FREM3: variants seen among roughly 807,000 people sequenced by gnomAD.
FREM3 encodes the protein FRAS1 related extracellular matrix 3.
FREM3 carries 105 observed loss-of-function variants against 129.1 expected under a neutral mutation model. The observed-to-expected ratio is 0.81, with a 90% confidence interval of 0.69 to 0.96. The LOEUF (loss-of-function observed/expected upper bound fraction) is 0.96. FREM3 is among the 40% of genes least tolerant of loss of function. FREM3 has a pLI of 0.00. For missense variants in FREM3, 2,593 were observed against 2,666.3 expected (o/e 0.97, Z 0.61); for synonymous variants, 1,014 against 1,044.9 (o/e 0.97, Z 0.57).
chr4:143,652,251 T>C (rs1349282222), intron 2 of FREM3, among the ~76,000 whole-genome samples: 2 of 90,840 alleles, frequency 2.2e-5, no homozygotes, highest in African/African-American at 6.9e-5. Flanking sequence ...CAAGCTCCGC[T>C]TCCCGGGTTC....
At chr4:143,581,343 A>C (rs1027070784) in intron 7 of FREM3, among the ~76,000 whole-genome samples, 1 of 152,208 alleles carries the variant, frequency 6.6e-6, no homozygotes, top group South Asian at 2.1e-4. Flanking sequence ...TACTGCCCTC[A>C]GACTGGGGAA....
chr4:143,627,828 G>A (rs1739069521), intron 2 of FREM3, 68 bp from the exon 3 acceptor site: 2 of 1,041,430 alleles, frequency 1.9e-6, no homozygotes, highest in East Asian at 2.6e-5. Context: ...TGATCAATGT[G>A]TGCATTTTAC....
intron 2 of FREM3, among the ~76,000 whole-genome samples, chr4:143,674,615 C>T (rs534606388): frequency 1.3e-4 from 20 of 152,192 alleles, no homozygotes; most frequent in Admixed American, 2.6e-4. Flanking sequence ...TAAAGAGTCA[C>T]GACCCATCAG....
rs184200894 is a variant in FREM3 at position 143,591,039 on chromosome 4, G to A, written c.6029-5046C>T. On this transcript the variant is annotated intron_variant, in intron 6 of 7. Transcript: ENST00000329798. ...GTTTATTTGCATAGAGGTGTTTATA[G>A]TATTCTCTGATGGTAGCTTTTATTT... Among the ~76,000 whole-genome samples, 757 of 152,294 alleles carry A rather than the reference G, an allele frequency of 5.0e-3. 5 individuals are homozygous for A. The highest frequency in any genetic ancestry group is 0.017 in the African/African-American group (722 of 41,572).
At chr4:143,685,835 G>A (rs1740354295) in intron 2 of FREM3, among the ~76,000 whole-genome samples, 1 of 152,012 alleles carries the variant, frequency 6.6e-6, no homozygotes, top group African/African-American at 2.4e-5. Context: ...ACAGCTGTGG[G>A]GGGCACATCA....
At chr4:143,616,613 C>T (rs1455281150) in intron 5 of FREM3, among the ~76,000 whole-genome samples, 1 of 151,898 alleles carries the variant, frequency 6.6e-6, no homozygotes, top group African/African-American at 2.4e-5. Flanking sequence ...TATGAAACCC[C>T]GTCTCTACTA....
At chr4:143,649,810 T>C (rs554353996) in intron 2 of FREM3, among the ~76,000 whole-genome samples, 3 of 152,340 alleles carry the variant, frequency 2.0e-5, no homozygotes, top group Non-Finnish European at 2.9e-5. Flanking sequence ...AATTAAGGTC[T>C]GTTTACACAC....
chr4:143,616,212 T>C (rs1738841388), intron 5 of FREM3, among the ~76,000 whole-genome samples: 1 of 152,178 alleles, frequency 6.6e-6, no homozygotes, highest in Admixed American at 6.5e-5. Flanking sequence ...ACTACCAACC[T>C]AGAATTTCAA....
At chr4:143,590,515 G>A (rs918190208) in intron 6 of FREM3, among the ~76,000 whole-genome samples, 8 of 152,072 alleles carry the variant, frequency 5.3e-5, no homozygotes, top group Non-Finnish European at 1.0e-4. Context: ...TTTGTCTTTG[G>A]TTCTGTTTAT....
In FREM3 at chr4:143,699,820, C is replaced by G. The variant is rs752472476; in HGVS notation, c.856G>C (p.Val286Leu). ...ACGAGCAGCTGGAAGTGCTCGCGGA[C>G]CAGCACACCCGCGGACCCAGCGTCT... ...GQDAGSAGVLVREHFQLLVRI... is the reference protein window; with the variant it reads ...GQDAGSAGVLLREHFQLLVRI... Residue 286 changes from valine to leucine, a missense_variant, in exon 1 of 8, where the codon GTC (valine) becomes CTC (leucine). This residue lies in a region of FREM3 where 2,276 missense variants were observed against 2,267.2 expected (regional missense o/e 1.00). Transcript: ENST00000329798. The surrounding 1 kb of genome is among the most constrained non-coding windows in gnomAD (Gnocchi z 4.2). The G allele has an allele frequency of 3.4e-5, 53 of 1,536,402 alleles. No individual in the cohort carries two copies. Among genetic ancestry groups the G allele is most frequent in the Non-Finnish European group, 4.6e-5 (53 of 1,146,904 alleles).
In FREM3 at chr4:143,659,623, T is replaced by TAC. The variant is rs2149851519; in HGVS notation, c.5276-31864_5276-31863insGT. 2.2e-5 allele frequency among the ~76,000 whole-genome samples: 3 copies of TAC among 135,522 alleles called. No homozygotes were observed. The South Asian group carries it at 7.0e-4, about 32-fold the overall frequency. The allele number at this position is 135,522 out of a possible 152,430, so 88.9% of individuals were successfully genotyped here. A position where few individuals can be genotyped will look rare whatever the true frequency, so the allele number is the denominator to read the frequency against. On this transcript the variant is annotated intron_variant, in intron 2 of 7. Coordinates refer to ENST00000329798, the MANE Select transcript of FREM3 (RefSeq NM_001168235.2). ...GTAATGGGATGGCTGGGTCAAATGG[T>TAC]ATTTCTAGTTCTAGATCCCTGAGGA...
At chr4:143,609,147 G>T (rs986703004) in intron 6 of FREM3, among the ~76,000 whole-genome samples, 2 of 152,132 alleles carry the variant, frequency 1.3e-5, no homozygotes. Context: ...TACCCAGAGA[G>T]AGTGTGTCTC....
chr4:143,661,008 T>A (rs1739706477), intron 2 of FREM3, among the ~76,000 whole-genome samples: 1 of 152,214 alleles, frequency 6.6e-6, no homozygotes, highest in South Asian at 2.1e-4. Context: ...GTTTTCTAGA[T>A]ATACAATCAT....
chr4:143,599,786 A>G (rs1738541342), intron 6 of FREM3, among the ~76,000 whole-genome samples: 1 of 152,230 alleles, frequency 6.6e-6, no homozygotes, highest in South Asian at 2.1e-4. Context: ...TCAGGGGTAC[A>G]TACATTCTAG....
At chr4:143,620,964 G>A (rs1262059507) in intron 5 of FREM3, 73 bp downstream of exon 5, 3 of 1,430,172 alleles carry the variant, frequency 2.1e-6, no homozygotes, top group Non-Finnish European at 2.8e-6. Context: ...ACCCTCTGTG[G>A]TACTCCCAGC....
chr4:143,641,305 A>G (rs1432598747), intron 2 of FREM3, among the ~76,000 whole-genome samples: 1 of 127,332 alleles, frequency 7.9e-6, no homozygotes, highest in Non-Finnish European at 1.7e-5. Context: ...GAAGGTCTAC[A>G]TGAAAAAAAG....
intron 5 of FREM3, among the ~76,000 whole-genome samples, chr4:143,613,080 G>A (rs1007773175): frequency 4.6e-5 from 7 of 152,174 alleles, no homozygotes; most frequent in Non-Finnish European, 7.3e-5. Flanking sequence ...GGCTCCAACC[G>A]ACTTCAGATG....
chr4:143,612,023 T>A (rs1738765938), intron 5 of FREM3, among the ~76,000 whole-genome samples: 1 of 152,192 alleles, frequency 6.6e-6, no homozygotes, highest in Non-Finnish European at 1.5e-5. Context: ...GAAAATTATA[T>A]CTTATTTTAC....
At chr4:143,637,258 CT>C (rs1055959180) in intron 2 of FREM3, among the ~76,000 whole-genome samples, 1 of 151,978 alleles carries the variant, frequency 6.6e-6, no homozygotes, top group East Asian at 1.9e-4. Context: ...ATATAATGGT[CT>C]TTTTTTCCAA....
Sources: gnomAD v4.1 joint callset for allele counts (sites outside exome capture counted in the v4.1 genomes callset) on GRCh38, gnomAD v4.1.1 for gene constraint, gnomAD v4.1.1 regional missense constraint, Gnocchi (gnomAD v3.1) non-coding constraint, MANE v1.5 for transcripts, NCBI Gene and HGNC (gene_info 2026-07-23, HGNC 2026-07-21) for gene names.